Variants in BIVM observed in about 807,000 individuals in gnomAD.
BIVM encodes basic immunoglobulin-like variable motif-containing protein.
In BIVM, 31 loss-of-function variants were observed where a neutral mutation model predicts 61.4. That is an observed-to-expected ratio of 0.51 (90% CI 0.38 to 0.68). BIVM has a LOEUF of 0.68. Ranked by LOEUF, BIVM falls within the 30% of genes least tolerant of loss-of-function variation. The pLI is 0.00. For missense variants in BIVM, 526 were observed against 596.0 expected (o/e 0.88, Z 1.22); for synonymous variants, 189 against 210.7 (o/e 0.90, Z 0.89).
chr13:102,811,911 A>C (rs1202557949), intron 3 of BIVM, among the ~76,000 whole-genome samples: 14 of 152,162 alleles, frequency 9.2e-5, no homozygotes, highest in Non-Finnish European at 1.8e-4. Flanking sequence ...GTTTATATTC[A>C]TGTTTTTTAA....
At chr13:102,824,783 G>A (rs1476655885) in intron 7 of BIVM, among the ~76,000 whole-genome samples, 2 of 151,970 alleles carry the variant, frequency 1.3e-5, no homozygotes, top group Non-Finnish European at 2.9e-5. Context: ...TTAGAGATGA[G>A]GGTCTCATTC....
rs2139205284 is a variant in BIVM, at chr13:102,821,736, T to A, written c.702-7T>A. Reference sequence around the variant, plus strand: ...AAAATGAAAGGCAATGAATGTTTCTTTTGTAGCCTTCCACCTATTACCCAA... The same window carrying A: ...AAAATGAAAGGCAATGAATGTTTCTATTGTAGCCTTCCACCTATTACCCAA... On this transcript the variant is annotated splice_region_variant and splice_polypyrimidine_tract_variant and intron_variant, in intron 5 of 10. Coordinates refer to ENST00000257336, the MANE Select transcript of BIVM (RefSeq NM_017693.4). The A allele has an allele frequency of 3.1e-6, 5 of 1,611,290 alleles. No individual in the cohort carries two copies. In the Middle Eastern group the frequency reaches 5.0e-4, roughly 160 times the overall value.
chr13:102,840,214 A>G lies in BIVM; in HGVS notation c.*349A>G, dbSNP rs992908422. The G allele has an allele frequency of 1.7e-5, 3 of 179,674 alleles. No individual in the cohort carries two copies. Among genetic ancestry groups the G allele is most frequent in the Non-Finnish European group, 3.5e-5 (3 of 86,614 alleles). 11.1% of individuals were successfully genotyped at this position (179,674 alleles called of 1,614,324 possible). ...AATACTTAAGCATGAAGTGACTTTT[A>G]TAATGACTCGATCCCTAGACATTTG... is the stretch of plus-strand genomic sequence containing the variant. On this transcript the variant is annotated 3_prime_UTR_variant, in exon 11 of 11. Coordinates refer to ENST00000257336, the MANE Select transcript of BIVM (RefSeq NM_017693.4).
At chr13:102,800,083 G>A (rs1019462866) in intron 1 of BIVM, among the ~76,000 whole-genome samples, 10 of 152,236 alleles carry the variant, frequency 6.6e-5, no homozygotes, top group Non-Finnish European at 1.5e-4. Context: ...AAACCCAGAA[G>A]AGCCGGTGGC....
At position 102,840,298 on chromosome 13, in the gene BIVM, A is replaced by AT. The variant is rs1881738038; in HGVS notation, c.*435dup. The AT allele has an allele frequency of 6.5e-6, 1 of 153,226 alleles. No homozygotes were observed. Among genetic ancestry groups the AT allele is most frequent in the African/African-American group, 2.4e-5 (1 of 41,028 alleles). 9.5% of individuals were successfully genotyped at this position (153,226 alleles called of 1,614,324 possible). A position where few individuals can be genotyped will look rare whatever the true frequency, so the allele number is the denominator to read the frequency against. On this transcript the variant is annotated 3_prime_UTR_variant, in exon 11 of 11. Coordinates refer to ENST00000257336, the MANE Select transcript of BIVM (RefSeq NM_017693.4). ...AAAGTACCATCTGCCCTTAAAAAAAATTGGGGCTGTCAATTTCTAGTTTTC... is the reference window on the plus strand; with the variant it reads ...AAAGTACCATCTGCCCTTAAAAAAAATTTGGGGCTGTCAATTTCTAGTTTTC...
chr13:102,831,593 T>C lies in BIVM; in HGVS notation c.930T>C (p.Arg310=), dbSNP rs767463404. Residue 310 remains arginine, a synonymous_variant, in exon 8 of 11, where the codon CGT becomes CGC. Transcript: ENST00000257336. The part of the protein sequence containing the change: ...TASGALSKLT[R]GLKDESLAYI... ...CAGGGGCCCTGTCAAAGTTAACCCG[T>C]GGATTGAAAGATGAATCGCTGGCTT... 1.2e-6 allele frequency: 2 copies of C among 1,614,194 alleles called. No homozygotes were observed. Among genetic ancestry groups the C allele is most frequent in the Non-Finnish European group, 1.7e-6 (2 of 1,180,024 alleles).
At chr13:102,800,001 C>T (rs1222398678) in intron 1 of BIVM, among the ~76,000 whole-genome samples, 13 of 152,200 alleles carry the variant, frequency 8.5e-5, no homozygotes, top group African/African-American at 3.1e-4. Flanking sequence ...ACGGGCTCAC[C>T]GCCCTGGTCA....
chr13:102,831,538 G>T, intron 7 of BIVM, 27 bp from the exon 8 acceptor site: 1 of 1,613,650 alleles, frequency 6.2e-7, no homozygotes, highest in Non-Finnish European at 8.5e-7. Flanking sequence ...TGGGCTTTCA[G>T]TTTGTGTGTT....
chr13:102,824,751 T>A (rs1391208922), intron 7 of BIVM, among the ~76,000 whole-genome samples: 2 of 152,162 alleles, frequency 1.3e-5, no homozygotes, highest in Non-Finnish European at 2.9e-5. Flanking sequence ...TTTGAACTTT[T>A]AAAAATTTTA....
chr13:102,830,353 A>G (rs1880980436), intron 7 of BIVM, among the ~76,000 whole-genome samples: 1 of 152,136 alleles, frequency 6.6e-6, no homozygotes, highest in South Asian at 2.1e-4. Flanking sequence ...ATGACTTGCA[A>G]GCTTTCATCT....
In BIVM at chr13:102,838,036, C is replaced by CA. The variant is rs1248561756; in HGVS notation, c.1122-602dup. 1.2e-4 allele frequency among the ~76,000 whole-genome samples: 18 copies of CA among 152,042 alleles called. No individual in the cohort carries two copies. The East Asian group carries it at 3.5e-3, about 29-fold the overall frequency. On this transcript the variant is annotated intron_variant, in intron 9 of 10. Transcript: ENST00000257336. ...GTATAACCAAAACCCAGCTGTACCCCAAAAACAATTGAAGTAAAACTTAAA... is the reference window on the plus strand; with the variant it reads ...GTATAACCAAAACCCAGCTGTACCCCAAAAAACAATTGAAGTAAAACTTAAA...
At position 102,839,950 on chromosome 13, in the gene BIVM, C is replaced by A; in HGVS notation, c.*85C>A. 2 of 1,383,478 alleles carry A rather than the reference C, an allele frequency of 1.4e-6. No homozygotes were observed. Among genetic ancestry groups the A allele is most frequent in the Non-Finnish European group, 1.9e-6 (2 of 1,027,098 alleles). The allele number at this position is 1,383,478 out of a possible 1,614,324, so 85.7% of individuals were successfully genotyped here. ...AAAGACAGTAGAAGATTTTAGTAAG[C>A]CTACATTAAATAGGAGCAGATCTTG... On this transcript the variant is annotated 3_prime_UTR_variant, in exon 11 of 11. Transcript: ENST00000257336.
intron 8 of BIVM, among the ~76,000 whole-genome samples, chr13:102,834,004 A>T (rs1352185149): frequency 1.3e-5 from 2 of 152,324 alleles, no homozygotes; most frequent in Middle Eastern, 3.4e-3. Flanking sequence ...AGATTTTCTT[A>T]AAAAACTATA....
chr13:102,804,221 C>A (rs1025870106), intron 1 of BIVM, among the ~76,000 whole-genome samples: 2 of 152,204 alleles, frequency 1.3e-5, no homozygotes, highest in African/African-American at 4.8e-5. Context: ...GATCTTGGCT[C>A]AACGCAACCT....
Position 102,807,181 on chromosome 13 carries a change from G to C in BIVM, c.-87G>C. ...TGCAGCTCTCAAGCTTTTATAGCAT[G>C]CTGTAAACAATTGTCAAAGTTGTTT... On this transcript the variant is annotated 5_prime_UTR_variant, in exon 3 of 11. The change abolishes an upstream ATG in the 5' untranslated region. Coordinates refer to ENST00000257336, the MANE Select transcript of BIVM (RefSeq NM_017693.4). The surrounding 1 kb of genome is among the most constrained non-coding windows in gnomAD (Gnocchi z 4.0). 7.2e-7 allele frequency: 1 copy of C among 1,387,224 alleles called. No homozygotes were observed. Among genetic ancestry groups the C allele is most frequent in the South Asian group, 1.4e-5 (1 of 70,432 alleles). 85.9% of individuals were successfully genotyped at this position (1,387,224 alleles called of 1,614,324 possible).
rs1183888394 is a variant in BIVM, at chr13:102,840,120, A to AT, written c.*257dup. On this transcript the variant is annotated 3_prime_UTR_variant, in exon 11 of 11. Coordinates refer to ENST00000257336, the MANE Select transcript of BIVM (RefSeq NM_017693.4). ...TAATCTGGACAGAAAATTTCACAAA[A>AT]TTCAATAAAATTACAACTGTTGTCT... 3 of 341,386 alleles carry AT rather than the reference A, an allele frequency of 8.8e-6. No homozygotes were observed. Among genetic ancestry groups the AT allele is most frequent in the Non-Finnish European group, 1.6e-5 (3 of 190,142 alleles). 21.1% of individuals were successfully genotyped at this position (341,386 alleles called of 1,614,324 possible).
At chr13:102,822,245 A>G (rs1880344977) in intron 7 of BIVM, 86 bp downstream of exon 7, 1 of 1,315,968 alleles carries the variant, frequency 7.6e-7, no homozygotes, top group East Asian at 2.4e-5. Flanking sequence ...GTTCGTCTCA[A>G]AGACTGCCTG....
At chr13:102,834,339 T>C (rs1446626785) in intron 8 of BIVM, 127 bp from the exon 9 acceptor site, 6 of 897,416 alleles carry the variant, frequency 6.7e-6, no homozygotes, top group Non-Finnish European at 8.0e-6. Flanking sequence ...TAAGCTCTAA[T>C]GTCTGTTCTT....
At chr13:102,830,957 C>T (rs930607119) in intron 7 of BIVM, among the ~76,000 whole-genome samples, 1 of 152,022 alleles carries the variant, frequency 6.6e-6, no homozygotes, top group Non-Finnish European at 1.5e-5. Flanking sequence ...TCCAGGAAGC[C>T]GTTTTTACTT....
Sources: gnomAD v4.1 joint callset for allele counts (sites outside exome capture counted in the v4.1 genomes callset) on GRCh38, gnomAD v4.1.1 for gene constraint, Gnocchi (gnomAD v3.1) non-coding constraint, MANE v1.5 for transcripts, NCBI Gene and HGNC (gene_info 2026-07-23, HGNC 2026-07-21) for gene names.